VPS37A: variants seen among roughly 807,000 people sequenced by gnomAD.
The protein encoded by VPS37A is VPS37A subunit of ESCRT-I.
A neutral mutation model predicts 49.8 loss-of-function variants in VPS37A; 30 were observed. The observed-to-expected ratio is 0.60, with a 90% CI of 0.45 to 0.82. The LOEUF (loss-of-function observed/expected upper bound fraction) is 0.82. Ranked by LOEUF, VPS37A falls within the 40% of genes least tolerant of loss-of-function variation. The pLI, the probability that VPS37A is intolerant of heterozygous loss-of-function variation, is 0.00. For missense variants in VPS37A, 593 were observed against 464.4 expected (o/e 1.28, Z -2.55); for synonymous variants, 195 against 160.6 (o/e 1.21, Z -1.62).
At chr8:17,283,337 G>C (rs1193111164) in intron 9 of VPS37A, among the ~76,000 whole-genome samples, 1 of 151,932 alleles carries the variant, frequency 6.6e-6, no homozygotes, top group African/African-American at 2.4e-5. Context: ...TGTATTTTTT[G>C]TAGAGACGGG....
intron 1 of VPS37A, among the ~76,000 whole-genome samples, chr8:17,255,747 C>G (rs1812392045): frequency 6.6e-6 from 1 of 151,214 alleles, no homozygotes; most frequent in African/African-American, 2.5e-5. Flanking sequence ...ACGCTACTTT[C>G]TTTCTTTGTG....
At chr8:17,253,770 G>A (rs529128856) in intron 1 of VPS37A, among the ~76,000 whole-genome samples, 1 of 152,264 alleles carries the variant, frequency 6.6e-6, no homozygotes, top group Admixed American at 6.5e-5. Context: ...TTAAAAAAAT[G>A]TGAAATAAGT....
chr8:17,273,479 G>C (rs950952883), intron 4 of VPS37A, among the ~76,000 whole-genome samples: 2 of 152,100 alleles, frequency 1.3e-5, no homozygotes, highest in African/African-American at 4.8e-5. Context: ...CCATCCTCCT[G>C]CCTCAGCCTC....
At chr8:17,256,709 A>G (rs1212619104) in intron 1 of VPS37A, among the ~76,000 whole-genome samples, 2 of 151,134 alleles carry the variant, frequency 1.3e-5, no homozygotes, top group African/African-American at 2.4e-5. Flanking sequence ...CTGGAGTGCA[A>G]TGGCACTGTC....
chr8:17,321,779 T>G, the VPS37A span, among the ~76,000 whole-genome samples: 82,489 of 152,006 alleles, frequency 0.54, 23,340 homozygotes, highest in East Asian at 0.78. Context: ...TTACTAATCC[T>G]GAGTTTCATG....
chr8:17,252,839 C>G (rs572687090), intron 1 of VPS37A, among the ~76,000 whole-genome samples: 1 of 152,192 alleles, frequency 6.6e-6, no homozygotes. Context: ...TCTGTTATGC[C>G]TTAGCCCATT....
the VPS37A span, among the ~76,000 whole-genome samples, chr8:17,312,968 C>T: frequency 6.6e-6 from 1 of 152,294 alleles, no homozygotes; most frequent in South Asian, 2.1e-4. Flanking sequence ...TGGATGTAAG[C>T]CCCAAGCCCC....
chr8:17,302,073 G>A (rs1390869670), downstream of VPS37A: 1 of 1,569,940 alleles, frequency 6.4e-7, no homozygotes, highest in Non-Finnish European at 8.7e-7. Context: ...GTATTGCACT[G>A]AATCTTAAGA....
At chr8:17,303,714 A>AT (rs1420537011), downstream of VPS37A, among the ~76,000 whole-genome samples, 3 of 151,036 alleles carry the variant, frequency 2.0e-5, no homozygotes, top group Non-Finnish European at 4.4e-5. Context: ...GGTTCAAGTG[A>AT]TTCTCCTGTC....
intron 1 of VPS37A, among the ~76,000 whole-genome samples, chr8:17,262,572 TATG>T (rs1348590052): frequency 7.3e-6 from 1 of 137,724 alleles, no homozygotes; most frequent in Non-Finnish European, 1.5e-5. Flanking sequence ...TACTTTAAAG[TATG>T]TGTGTGTGTG....
At chr8:17,273,846 C>A (rs895498046) in intron 4 of VPS37A, among the ~76,000 whole-genome samples, 3 of 151,914 alleles carry the variant, frequency 2.0e-5, no homozygotes, top group African/African-American at 7.3e-5. Context: ...TAATAGTACT[C>A]TCATAAAAAA....
At chr8:17,268,649 A>T (rs979824565) in intron 3 of VPS37A, among the ~76,000 whole-genome samples, 1 of 152,168 alleles carries the variant, frequency 6.6e-6, no homozygotes, top group Non-Finnish European at 1.5e-5. Flanking sequence ...TTTTTATTCA[A>T]TGGACTTTTA....
At chr8:17,326,701 A>C in the VPS37A span, among the ~76,000 whole-genome samples, 1 of 152,190 alleles carries the variant, frequency 6.6e-6, no homozygotes, top group African/African-American at 2.4e-5. Flanking sequence ...CCTCAGCTGA[A>C]TTCTGCCAAC....
At chr8:17,308,048 A>T in the VPS37A span, among the ~76,000 whole-genome samples, 46 of 119,156 alleles carry the variant, frequency 3.9e-4, no homozygotes, top group East Asian at 3.5e-3. Context: ...TAATAAAATT[A>T]AAAAATAAAA....
Position 17,280,357 on chromosome 8 carries a change from T to A in VPS37A, c.901-18T>A, listed in dbSNP as rs778066104. 1 of 1,602,642 alleles carries A rather than the reference T, an allele frequency of 6.2e-7. No individual in the cohort carries two copies. The highest frequency in any genetic ancestry group is 2.2e-5 in the East Asian group (1 of 44,762). ...ATTTAAAAATAGAATAAAACAACCT[T>A]TTCATTTTCTCTTTTAGTATGAATT... is the stretch of plus-strand genomic sequence containing the variant. On this transcript the variant is annotated intron_variant, in intron 8 of 11. Coordinates refer to ENST00000324849, the MANE Select transcript of VPS37A (RefSeq NM_152415.3).
the VPS37A span, among the ~76,000 whole-genome samples, chr8:17,321,806 T>C: frequency 6.6e-6 from 1 of 152,216 alleles, no homozygotes; most frequent in East Asian, 1.9e-4. Flanking sequence ...TCTAGTGATA[T>C]TTGTTTTATA....
the VPS37A span, among the ~76,000 whole-genome samples, chr8:17,321,571 G>A: frequency 7.2e-5 from 11 of 152,214 alleles, no homozygotes; most frequent in Admixed American, 7.2e-4. Context: ...GGATACACTT[G>A]AGACCAAAGC....
chr8:17,248,116 T>C (rs564798422), intron 1 of VPS37A: 1 of 361,262 alleles, frequency 2.8e-6, no homozygotes, highest in South Asian at 2.2e-5. Flanking sequence ...TGCTGCAGCC[T>C]TTTACATTGC....
At chr8:17,252,416 A>G (rs913667436) in intron 1 of VPS37A, among the ~76,000 whole-genome samples, 1 of 152,068 alleles carries the variant, frequency 6.6e-6, no homozygotes, top group African/African-American at 2.4e-5. Context: ...GGGCCCAAGC[A>G]CTCTGCCTGG....
Sources: gnomAD v4.1 joint callset for allele counts (sites outside exome capture counted in the v4.1 genomes callset) on GRCh38, gnomAD v4.1.1 for gene constraint, MANE v1.5 for transcripts, NCBI Gene and HGNC (gene_info 2026-07-23, HGNC 2026-07-21) for gene names.